ASAP2: variants seen among roughly 807,000 people sequenced by gnomAD.
ASAP2 encodes the protein arf-GAP with SH3 domain, ANK repeat and PH domain-containing protein 2.
ASAP2 carries 45 observed loss-of-function variants against 131.4 expected under a neutral mutation model. The ratio of observed to expected loss-of-function variants is 0.34; its 90% CI spans 0.27 to 0.44. The LOEUF (loss-of-function observed/expected upper bound fraction) is 0.44, where lower values mean the gene tolerates loss of function less well. Ranked by LOEUF, ASAP2 falls within the 20% of genes least tolerant of loss-of-function variation. The probability of loss-of-function intolerance (pLI) is 1.00; values close to 1 mark genes in which losing one functional copy is unlikely to be tolerated. For synonymous variants in ASAP2, 510 were observed against 503.0 expected (o/e 1.01, Z -0.19); for missense variants, 1,011 against 1,297.0 (o/e 0.78, Z 3.39).
intron 16 of ASAP2, among the ~76,000 whole-genome samples, chr2:9,373,353 G>A (rs1445026268): frequency 2.0e-5 from 3 of 152,238 alleles, no homozygotes; most frequent in African/African-American, 7.2e-5. Flanking sequence ...CTCACGCTGC[G>A]GCGTGTCCAG....
At position 9,404,977 on chromosome 2, in the gene ASAP2, A is replaced by T. The variant is rs959432819; in HGVS notation, c.*1650A>T. On this transcript the variant is annotated 3_prime_UTR_variant, in exon 28 of 28. Coordinates refer to ENST00000281419, the MANE Select transcript of ASAP2 (RefSeq NM_003887.3). The stretch of plus-strand genomic sequence containing the variant: ...TTTTCTCATAGATTTAAGTAAACAG[A>T]TGTATTTTGCACAGTGCACTTATGT... The T allele has an allele frequency of 6.6e-6, 1 of 152,490 alleles. No homozygotes were observed. The highest frequency in any genetic ancestry group is 2.4e-5 in the African/African-American group (1 of 41,406). The allele number at this position is 152,490 out of a possible 1,614,324, so 9.4% of individuals were successfully genotyped here.
intron 1 of ASAP2, among the ~76,000 whole-genome samples, chr2:9,262,614 C>T (rs1179833417): frequency 2.0e-5 from 3 of 152,240 alleles, no homozygotes; most frequent in Non-Finnish European, 4.4e-5. Context: ...ATGCACTTGT[C>T]TCCAAAGGGA....
At chr2:9,208,210 G>A (rs909291326) in intron 1 of ASAP2, among the ~76,000 whole-genome samples, 1 of 152,078 alleles carries the variant, frequency 6.6e-6, no homozygotes, top group African/African-American at 2.4e-5. Flanking sequence ...GCTCAGAATA[G>A]GTTTACAAGT....
intron 1 of ASAP2, among the ~76,000 whole-genome samples, chr2:9,208,863 T>G (rs1661336378): frequency 6.6e-6 from 1 of 152,246 alleles, no homozygotes; most frequent in African/African-American, 2.4e-5. Flanking sequence ...GCATTGTGCA[T>G]GATGTCTTTC....
intron 9 of ASAP2, 86 bp from the exon 10 acceptor site, chr2:9,344,446 A>G (rs567533726): frequency 2.7e-6 from 3 of 1,110,552 alleles, no homozygotes; most frequent in South Asian, 1.5e-5. Flanking sequence ...AAAAAAACAC[A>G]TTAGGCATAA....
chr2:9,376,481 G>A (rs1449050066), intron 17 of ASAP2, among the ~76,000 whole-genome samples: 1 of 152,004 alleles, frequency 6.6e-6, no homozygotes, highest in Non-Finnish European at 1.5e-5. Flanking sequence ...AGTGTAGAAC[G>A]CAAAACTTTA....
At chr2:9,309,443 T>C (rs539051249) in intron 3 of ASAP2, among the ~76,000 whole-genome samples, 1 of 152,312 alleles carries the variant, frequency 6.6e-6, no homozygotes, top group South Asian at 2.1e-4. Context: ...TGCAGTGTTC[T>C]CTGGCAAAGA....
chr2:9,297,397 G>C lies in ASAP2; in HGVS notation c.297G>C (p.Leu99=). 5.6e-6 allele frequency: 9 copies of C among 1,614,186 alleles called. No individual in the cohort carries two copies. The highest frequency in any genetic ancestry group is 7.6e-6 in the Non-Finnish European group (9 of 1,180,038). Residue 99 remains leucine, a synonymous_variant, in exon 3 of 28, where the codon CTG becomes CTC. Coordinates refer to ENST00000281419, the MANE Select transcript of ASAP2 (RefSeq NM_003887.3). ...RDDPDLGSAF[L]KFSVFTKELT... is the part of the protein sequence containing the mutation. ...ACCCAGATTTAGGAAGTGCGTTCCTGAAGTTCTCAGTGTTTACAAAGGAGT... is the reference window on the plus strand; with the variant it reads ...ACCCAGATTTAGGAAGTGCGTTCCTCAAGTTCTCAGTGTTTACAAAGGAGT...
At chr2:9,334,388 G>A (rs546104272) in intron 7 of ASAP2, among the ~76,000 whole-genome samples, 7 of 151,944 alleles carry the variant, frequency 4.6e-5, no homozygotes, top group Admixed American at 2.6e-4. Flanking sequence ...TGTCGCGGTC[G>A]CCTGTTGCGG....
chr2:9,244,708 A>C (rs1344770740), intron 1 of ASAP2, among the ~76,000 whole-genome samples: 1 of 152,218 alleles, frequency 6.6e-6, no homozygotes, highest in African/African-American at 2.4e-5. Context: ...AGTGACACTT[A>C]GGGACTCTTC....
chr2:9,275,406 C>G (rs1402342219), intron 1 of ASAP2, among the ~76,000 whole-genome samples: 2 of 152,202 alleles, frequency 1.3e-5, no homozygotes, highest in African/African-American at 4.8e-5. Flanking sequence ...TTGACCCAAA[C>G]TCCTGTAGAC....
At chr2:9,335,029 A>G (rs1179133855) in intron 8 of ASAP2, 64 bp from the exon 9 acceptor site, 12 of 1,536,724 alleles carry the variant, frequency 7.8e-6, no homozygotes, top group South Asian at 2.2e-5. Context: ...ATGAGCACCA[A>G]CGTTTCACTG....
chr2:9,394,643 T>A (rs909442406), intron 24 of ASAP2, among the ~76,000 whole-genome samples: 8 of 152,180 alleles, frequency 5.3e-5, no homozygotes, highest in African/African-American at 1.7e-4. Flanking sequence ...ATACACCACT[T>A]ATCTCTCTAT....
intron 1 of ASAP2, among the ~76,000 whole-genome samples, chr2:9,269,675 G>A (rs1316325952): frequency 6.6e-6 from 1 of 152,264 alleles, no homozygotes; most frequent in Non-Finnish European, 1.5e-5. Context: ...GCATGGGGTT[G>A]GGGACATTCA....
chr2:9,216,266 G>A (rs1662020994), intron 1 of ASAP2, among the ~76,000 whole-genome samples: 1 of 150,722 alleles, frequency 6.6e-6, no homozygotes, highest in African/African-American at 2.4e-5. Context: ...TGTGGGTGAA[G>A]TCAATGTCAG....
chr2:9,318,626 G>T (rs1000599234), intron 4 of ASAP2, 28 bp downstream of exon 4: 6 of 1,556,376 alleles, frequency 3.9e-6, no homozygotes, highest in Non-Finnish European at 5.3e-6. Flanking sequence ...TGACACCAGG[G>T]GCAGCTTTTA....
At chr2:9,332,583 G>A (rs984396639) in intron 7 of ASAP2, among the ~76,000 whole-genome samples, 2 of 152,298 alleles carry the variant, frequency 1.3e-5, no homozygotes, top group Non-Finnish European at 2.9e-5. Flanking sequence ...ATTCCACTAC[G>A]GGGCTCATGC....
At chr2:9,373,692 G>A (rs1339184201) in intron 16 of ASAP2, among the ~76,000 whole-genome samples, 2 of 152,264 alleles carry the variant, frequency 1.3e-5, no homozygotes, top group African/African-American at 4.8e-5. Flanking sequence ...ACCGTGCGGG[G>A]ACTCCAGCTC....
chr2:9,335,166 T>C lies in ASAP2; in HGVS notation c.836T>C (p.Val279Ala). The C allele has an allele frequency of 6.8e-6, 11 of 1,614,100 alleles. No individual in the cohort carries two copies. Among genetic ancestry groups the C allele is most frequent in the Non-Finnish European group, 9.3e-6 (11 of 1,179,980 alleles). ...LRDILKSALQ[V>A]EQKEDSQIRQ... ...GATATTTTGAAATCCGCATTGCAGG[T>C]TGAACAGAAAGAGGTGAGGGGATTT... The change falls in exon 9 of 28, where the codon GTT becomes GCT. Residue 279 changes from valine to alanine, a missense_variant. Around this residue, in one of 2 missense-constraint regions of ASAP2, gnomAD observed 359 missense variants for 598.1 expected, o/e 0.60. Coordinates refer to ENST00000281419, the MANE Select transcript of ASAP2 (RefSeq NM_003887.3).
Sources: allele counts gnomAD v4.1 joint callset (sites outside exome capture counted in the v4.1 genomes callset), GRCh38; gene constraint gnomAD v4.1.1; regional missense constraint gnomAD v4.1.1; transcripts MANE v1.5; gene names NCBI Gene and HGNC (gene_info 2026-07-23, HGNC 2026-07-21).